ELP4: variants seen among roughly 807,000 people sequenced by gnomAD.
ELP4 encodes elongator acetyltransferase complex subunit 4, also known as elongator complex protein 4.
In ELP4, 51 loss-of-function variants were observed where a neutral mutation model predicts 48.9. That is an observed-to-expected ratio of 1.04 (90% CI 0.83 to 1.32). The LOEUF (loss-of-function observed/expected upper bound fraction) is 1.32, where lower values mean the gene tolerates loss of function less well. Ranked by LOEUF, ELP4 falls within the 40% of genes most tolerant of loss-of-function variation. The probability of loss-of-function intolerance (pLI) is 0.00; values close to 1 mark genes in which losing one functional copy is unlikely to be tolerated. For missense variants in ELP4, 519 were observed against 514.6 expected, an observed-to-expected ratio of 1.01 and a Z score of -0.08; for synonymous variants, 210 against 189.2, an observed-to-expected ratio of 1.11 and a Z score of -0.90.
chr11:31,652,448 G>A (rs932227217), intron 9 of ELP4: 1 of 151,632 alleles, frequency 6.6e-6, no homozygotes. Context: ...CAAACAGATA[G>A]CAAGTCTTTG....
intron 9 of ELP4, among the ~76,000 whole-genome samples, chr11:31,732,371 A>G (rs573727796): frequency 3.3e-5 from 5 of 152,088 alleles, no homozygotes; most frequent in Non-Finnish European, 4.4e-5. Context: ...ATATTTTGTT[A>G]TAATTGTAAA....
intron 2 of ELP4, among the ~76,000 whole-genome samples, chr11:31,520,351 A>C (rs547529355): frequency 2.6e-5 from 4 of 152,320 alleles, no homozygotes; most frequent in South Asian, 4.1e-4. Context: ...TTTTTTAAAA[A>C]GACTAAAATT....
At chr11:31,613,271 A>C (rs564582867) in intron 5 of ELP4, among the ~76,000 whole-genome samples, 1 of 152,300 alleles carries the variant, frequency 6.6e-6, no homozygotes, top group African/African-American at 2.4e-5. Flanking sequence ...GCTTATCCCA[A>C]ATTCTTTTCT....
intron 9 of ELP4, among the ~76,000 whole-genome samples, chr11:31,659,251 T>C (rs960238369): frequency 6.6e-6 from 1 of 152,058 alleles, no homozygotes; most frequent in Non-Finnish European, 1.5e-5. Context: ...CAAGTCACAG[T>C]AGACATTTTA....
chr11:31,779,537 A>G (rs1047738687), intron 9 of ELP4, among the ~76,000 whole-genome samples: 2 of 152,196 alleles, frequency 1.3e-5, no homozygotes, highest in African/African-American at 2.4e-5. Flanking sequence ...GTAGAGGGGA[A>G]AGAATCTCAA....
intron 3 of ELP4, among the ~76,000 whole-genome samples, chr11:31,587,067 A>T (rs1394722723): frequency 6.6e-6 from 1 of 151,964 alleles, no homozygotes; most frequent in Non-Finnish European, 1.5e-5. Flanking sequence ...TCTCCCCATT[A>T]CTCTGTATTC....
chr11:31,550,534 T>C (rs1956831132), intron 3 of ELP4, among the ~76,000 whole-genome samples: 1 of 152,228 alleles, frequency 6.6e-6, no homozygotes, highest in Admixed American at 6.5e-5. Context: ...GGAATTTAAC[T>C]ATGTCAGTAG....
At chr11:31,682,720 C>A (rs1010838543) in intron 9 of ELP4, among the ~76,000 whole-genome samples, 5 of 152,068 alleles carry the variant, frequency 3.3e-5, no homozygotes, top group African/African-American at 1.2e-4. Flanking sequence ...GACATATAAA[C>A]AACTATAATA....
intron 9 of ELP4, among the ~76,000 whole-genome samples, chr11:31,751,186 T>C (rs904687589): frequency 6.6e-5 from 10 of 152,350 alleles, no homozygotes; most frequent in African/African-American, 2.2e-4. Flanking sequence ...ACAAGTTCAC[T>C]GGTAGAAATT....
intron 1 of ELP4, among the ~76,000 whole-genome samples, chr11:31,514,246 C>G (rs1592072405): frequency 6.6e-6 from 1 of 152,062 alleles, no homozygotes; most frequent in Non-Finnish European, 1.5e-5. Flanking sequence ...ATTGCTTGAG[C>G]CTGGGAGTTT....
chr11:31,611,417 A>G (rs908301590), intron 5 of ELP4, among the ~76,000 whole-genome samples: 3 of 152,144 alleles, frequency 2.0e-5, no homozygotes, highest in African/African-American at 2.4e-5. Context: ...AAACTCTCCA[A>G]TGATTCCCCA....
chr11:31,787,771 T>G lies in ELP4; in HGVS notation c.*4247T>G, dbSNP rs1369391493. 5.2e-5 allele frequency: 12 copies of G among 228,908 alleles called. No individual in the cohort carries two copies. The highest frequency in any genetic ancestry group is 2.7e-4 in the African/African-American group (12 of 45,136). 14.2% of individuals were successfully genotyped at this position (228,908 alleles called of 1,614,324 possible). A position where few individuals can be genotyped will look rare whatever the true frequency, so the allele number is the denominator to read the frequency against. ...GGAATAAAATTATTAGTATATTTCA[T>G]GCCGGAGCAATGAATCTCAATTATC... On this transcript the variant is annotated 3_prime_UTR_variant, in exon 10 of 10. Transcript: ENST00000640961.
intron 1 of ELP4, chr11:31,510,983 G>T (rs1029397680): frequency 6.6e-6 from 1 of 152,144 alleles, no homozygotes; most frequent in African/African-American, 2.4e-5. Flanking sequence ...CTCATTGCTT[G>T]TTCTTGTACT....
intron 9 of ELP4, among the ~76,000 whole-genome samples, chr11:31,744,691 G>C (rs1466205177): frequency 4.6e-5 from 7 of 152,076 alleles, no homozygotes; most frequent in Non-Finnish European, 8.8e-5. Flanking sequence ...ATTCAACAAT[G>C]CTTCATGCTA....
chr11:31,702,452 G>A (rs1946545843), intron 9 of ELP4, among the ~76,000 whole-genome samples: 1 of 152,038 alleles, frequency 6.6e-6, no homozygotes, highest in South Asian at 2.1e-4. Context: ...TTCTGGAAAT[G>A]GATAATGGTA....
chr11:31,694,938 C>T (rs1946367426), intron 9 of ELP4, among the ~76,000 whole-genome samples: 1 of 152,124 alleles, frequency 6.6e-6, no homozygotes, highest in Admixed American at 6.6e-5. Flanking sequence ...AATGGGAGTT[C>T]ACTCATGATT....
chr11:31,555,302 G>T (rs1201211016), intron 3 of ELP4, among the ~76,000 whole-genome samples: 1 of 151,976 alleles, frequency 6.6e-6, no homozygotes, highest in South Asian at 2.1e-4. Flanking sequence ...TTGCTTGTGA[G>T]CATTTTTAAA....
chr11:31,587,865 C>G (rs1957504708), intron 3 of ELP4, among the ~76,000 whole-genome samples: 1 of 151,994 alleles, frequency 6.6e-6, no homozygotes, highest in Admixed American at 6.6e-5. Context: ...ATTAACACCA[C>G]CACTGATAAT....
At chr11:31,565,991 C>A (rs926413422) in intron 3 of ELP4, among the ~76,000 whole-genome samples, 14 of 152,122 alleles carry the variant, frequency 9.2e-5, no homozygotes, top group African/African-American at 2.7e-4. Flanking sequence ...GATATTGATT[C>A]TTCCTAACCA....
Sources: allele counts gnomAD v4.1 joint callset (sites outside exome capture counted in the v4.1 genomes callset), GRCh38; gene constraint gnomAD v4.1.1; transcripts MANE v1.5; gene names NCBI Gene and HGNC (gene_info 2026-07-23, HGNC 2026-07-21).